The following SLC35B4 variants were observed in gnomAD, a reference collection of about 807,000 sequenced individuals.
The protein encoded by SLC35B4 is solute carrier family 35 member B4, also known as nucleotide sugar transporter SLC35B4.
SLC35B4 carries 28 observed loss-of-function variants against 39.5 expected under a neutral mutation model. The ratio of observed to expected loss-of-function variants is 0.71; its 90% CI spans 0.53 to 0.97. The LOEUF (loss-of-function observed/expected upper bound fraction) is 0.97, where lower values mean the gene tolerates loss of function less well. Among genes scored for constraint, SLC35B4 ranks in the 50% least tolerant of loss-of-function variants. The probability of loss-of-function intolerance (pLI) is 0.00; values close to 1 mark genes in which losing one functional copy is unlikely to be tolerated. For synonymous variants in SLC35B4, 145 were observed against 150.4 expected, an observed-to-expected ratio of 0.96 and a Z score of 0.26; for missense variants, 334 against 414.3, an observed-to-expected ratio of 0.81 and a Z score of 1.68.
At chr7:134,307,028 A>C (rs1408356772) in intron 2 of SLC35B4, among the ~76,000 whole-genome samples, 1 of 152,228 alleles carries the variant, frequency 6.6e-6, no homozygotes. Flanking sequence ...TATACATAGC[A>C]ACTTAAAATG....
Position 134,300,235 on chromosome 7 carries a change from G to C in SLC35B4, c.514C>G (p.Leu172Val). ...AATATCCCCATCCTTGCTGACATCAGAAGAGCAAAAGTCAATGCCCCAATA... is the reference window on the plus strand; with the variant it reads ...AATATCCCCATCCTTGCTGACATCACAAGAGCAAAAGTCAATGCCCCAATA... ...LGIGALTFAL[L>V]MSARMGIFQE... Residue 172 changes from leucine (L) to valine (V), a missense_variant, in exon 7 of 10, where the codon CTG (leucine) becomes GTG (valine). Coordinates refer to ENST00000378509, the MANE Select transcript of SLC35B4 (RefSeq NM_032826.5). The C allele has an allele frequency of 6.2e-7, 1 of 1,611,768 alleles. No homozygotes were observed. The highest frequency in any genetic ancestry group is 8.5e-7 in the Non-Finnish European group (1 of 1,179,452).
rs1045964077 is a variant in SLC35B4 at position 134,294,635 on chromosome 7, A to G, written c.*198T>C. 3 of 588,892 alleles carry G rather than the reference A, an allele frequency of 5.1e-6. No homozygotes were observed. The highest frequency in any genetic ancestry group is 8.8e-6 in the Non-Finnish European group (3 of 340,072). 36.5% of individuals were successfully genotyped at this position (588,892 alleles called of 1,614,324 possible). A position where few individuals can be genotyped will look rare whatever the true frequency, so the allele number is the denominator to read the frequency against. ...ATAGTCCAGAACTGTTCTTTTTTCT[A>G]TTTTAGGGCTGAGGGGTTTCTATTT... On this transcript the variant is annotated 3_prime_UTR_variant, in exon 10 of 10. Transcript: ENST00000378509.
At chr7:134,303,227 T>C (rs73443144) in intron 4 of SLC35B4, among the ~76,000 whole-genome samples, 3,015 of 152,192 alleles carry the variant, frequency 0.02, 125 homozygotes, top group African/African-American at 0.07. Flanking sequence ...AAGGCTTAGA[T>C]AGATGCAAGA....
At chr7:134,306,644 C>G (rs756724236) in intron 3 of SLC35B4, 28 bp downstream of exon 3, 8 of 1,569,340 alleles carry the variant, frequency 5.1e-6, no homozygotes, top group Non-Finnish European at 4.4e-6. Flanking sequence ...TTCAGAGGAA[C>G]ATATACACGT....
intron 2 of SLC35B4, 124 bp downstream of exon 2, chr7:134,309,242 T>C (rs1237215012): frequency 3.4e-6 from 2 of 586,010 alleles, no homozygotes; most frequent in Admixed American, 3.5e-5. Flanking sequence ...AAATGACTTA[T>C]TATTCTACTG....
At chr7:134,319,186 G>T (rs1306186619), upstream of SLC35B4, among the ~76,000 whole-genome samples, 1 of 152,116 alleles carries the variant, frequency 6.6e-6, no homozygotes. Flanking sequence ...TCTCTTTAAA[G>T]AGTAATCTAC....
At chr7:134,298,978 G>C (rs1204368346) in intron 8 of SLC35B4, among the ~76,000 whole-genome samples, 1 of 152,234 alleles carries the variant, frequency 6.6e-6, no homozygotes, top group East Asian at 1.9e-4. Context: ...TAACTGGCCA[G>C]TTTAAAAAGT....
At chr7:134,296,627 G>T (rs2058976) in intron 8 of SLC35B4, among the ~76,000 whole-genome samples, 161 bp from the exon 9 acceptor site, 76,425 of 152,068 alleles carry the variant, frequency 0.5, 19,726 homozygotes, top group African/African-American at 0.59. Context: ...TTGACTCCAG[G>T]CTATAGCAGC....
rs1462071736 is a variant in SLC35B4, at chr7:134,289,866, CG to C, written c.*4966del. 2 of 152,066 alleles carry C rather than the reference CG, an allele frequency of 1.3e-5. No homozygotes were observed. Among genetic ancestry groups the C allele is most frequent in the African/African-American group, 4.8e-5 (2 of 41,396 alleles). 9.4% of individuals were successfully genotyped at this position (152,066 alleles called of 1,614,324 possible). A position where few individuals can be genotyped will look rare whatever the true frequency, so the allele number is the denominator to read the frequency against. On this transcript the variant is annotated 3_prime_UTR_variant, in exon 10 of 10. Coordinates refer to ENST00000378509, the MANE Select transcript of SLC35B4 (RefSeq NM_032826.5). ...CAGTATTTCTGCTTTTCTTTTTTCA[CG>C]TATCTCTGGCTCCCTTGCAACTTGC...
Position 134,304,870 on chromosome 7 carries a change from A to G in SLC35B4, c.295-16T>C, listed in dbSNP as rs1447766370. On this transcript the variant is annotated splice_polypyrimidine_tract_variant and intron_variant, in intron 3 of 9. Coordinates refer to ENST00000378509, the MANE Select transcript of SLC35B4 (RefSeq NM_032826.5). ...TTAGAGAACCCTGCAAAAGGAGACA[A>G]CAGTAACAGAGAGGTTTAGTGCACT... 6.2e-7 allele frequency: 1 copy of G among 1,609,432 alleles called. No individual in the cohort carries two copies. The highest frequency in any genetic ancestry group is 8.5e-7 in the Non-Finnish European group (1 of 1,175,928).
In SLC35B4 at chr7:134,291,941, T is replaced by G. The variant is rs1803340406; in HGVS notation, c.*2892A>C. On this transcript the variant is annotated 3_prime_UTR_variant, in exon 10 of 10. Transcript: ENST00000378509. ...TTACCTTATCTGTTACACTGTCAAGTTGTTCAGCAGGCACACAGGTGCACA... is the reference window on the plus strand; with the variant it reads ...TTACCTTATCTGTTACACTGTCAAGGTGTTCAGCAGGCACACAGGTGCACA... 6.6e-6 allele frequency: 1 copy of G among 152,348 alleles called. No homozygotes were observed. Among genetic ancestry groups the G allele is most frequent in the Non-Finnish European group, 1.5e-5 (1 of 68,124 alleles). 9.4% of individuals were successfully genotyped at this position (152,348 alleles called of 1,614,324 possible). A position where few individuals can be genotyped will look rare whatever the true frequency, so the allele number is the denominator to read the frequency against.
At chr7:134,316,527 G>GGATT (rs1585649915) in intron 1 of SLC35B4, 148 bp downstream of exon 1, 1 of 755,344 alleles carries the variant, frequency 1.3e-6, no homozygotes, top group East Asian at 2.7e-5. Flanking sequence ...CAGACAGGAC[G>GGATT]GATTGCTGGG....
intron 8 of SLC35B4, among the ~76,000 whole-genome samples, chr7:134,297,289 G>A (rs1284747853): frequency 6.6e-6 from 1 of 152,142 alleles, no homozygotes; most frequent in Non-Finnish European, 1.5e-5. Context: ...ACAGGTTGGT[G>A]GCAGTATAAC....
intron 4 of SLC35B4, among the ~76,000 whole-genome samples, chr7:134,303,877 G>C (rs1287182246): frequency 6.6e-6 from 1 of 152,138 alleles, no homozygotes; most frequent in African/African-American, 2.4e-5. Flanking sequence ...AAGCATCCCA[G>C]GTACTTCTGG....
In SLC35B4 at chr7:134,294,803, C is replaced by T. The variant is rs375200692; in HGVS notation, c.*30G>A. 22 of 1,609,584 alleles carry T rather than the reference C, an allele frequency of 1.4e-5. No individual in the cohort carries two copies. The highest frequency in any genetic ancestry group is 8.9e-5 in the East Asian group (4 of 44,796). ...CCTTCACAGGGTCCCACCCTCACGACGACACTGGTCTACGTACTCCAGACA... is the reference window on the plus strand; with the variant it reads ...CCTTCACAGGGTCCCACCCTCACGATGACACTGGTCTACGTACTCCAGACA... On this transcript the variant is annotated 3_prime_UTR_variant, in exon 10 of 10. Coordinates refer to ENST00000378509, the MANE Select transcript of SLC35B4 (RefSeq NM_032826.5).
chr7:134,306,097 T>C lies in SLC35B4; in HGVS notation c.294+575A>G, dbSNP rs543002877. On this transcript the variant is annotated intron_variant, in intron 3 of 9. Transcript: ENST00000378509. ...TGCTTTGAAGGTCACCTTATTATAA[T>C]TGCTTTGGAAACTCCCTTCAGGAAC... Among the ~76,000 whole-genome samples, 6 of 152,326 alleles carry C rather than the reference T, an allele frequency of 3.9e-5. No homozygotes were observed. In the South Asian group the frequency reaches 1.0e-3, roughly 26 times the overall value.
At chr7:134,312,191 G>A (rs1408169476) in intron 1 of SLC35B4, among the ~76,000 whole-genome samples, 4 of 152,074 alleles carry the variant, frequency 2.6e-5, no homozygotes, top group Admixed American at 2.6e-4. Context: ...CATTCCAGTT[G>A]ACTAAGTTTT....
At chr7:134,309,558 G>T in intron 1 of SLC35B4, 79 bp from the exon 2 acceptor site, 1 of 905,336 alleles carries the variant, frequency 1.1e-6, no homozygotes, top group Non-Finnish European at 1.7e-6. Flanking sequence ...CTAATTAGAG[G>T]GCCAGAATAA....
chr7:134,305,525 A>G (rs897678163), intron 3 of SLC35B4, among the ~76,000 whole-genome samples: 1 of 152,162 alleles, frequency 6.6e-6, no homozygotes, highest in Non-Finnish European at 1.5e-5. Flanking sequence ...ATGTTGTTCA[A>G]GGGTCAACTG....
Sources: allele counts gnomAD v4.1 joint callset (sites outside exome capture counted in the v4.1 genomes callset), GRCh38; gene constraint gnomAD v4.1.1; transcripts MANE v1.5; gene names NCBI Gene and HGNC (gene_info 2026-07-23, HGNC 2026-07-21).